Variants in STAT3 observed in about 807,000 individuals in gnomAD.
STAT3 encodes DNA-binding protein APRF.
Under a neutral mutation model 114.3 loss-of-function variants are expected in STAT3, and 7 were observed. That is an observed-to-expected ratio of 0.06 (90% CI 0.03 to 0.11). STAT3 has a LOEUF of 0.11. Among genes scored for constraint, STAT3 ranks in the 10% least tolerant of loss-of-function variants. The pLI, the probability that STAT3 is intolerant of heterozygous loss-of-function variation, is 1.00. For missense variants in STAT3, 364 were observed against 960.9 expected, an observed-to-expected ratio of 0.38 and a Z score of 8.21; for synonymous variants, 331 against 354.5, an observed-to-expected ratio of 0.93 and a Z score of 0.74.
At chr17:42,378,013 T>G in intron 1 of STAT3, among the ~76,000 whole-genome samples, 1 of 129,698 alleles carries the variant, frequency 7.7e-6, no homozygotes, top group Non-Finnish European at 1.6e-5. Flanking sequence ...TGAGATGGAG[T>G]CTTGCTCCAT....
chr17:42,355,042 G>A (rs1422696688), intron 1 of STAT3, among the ~76,000 whole-genome samples: 1 of 152,136 alleles, frequency 6.6e-6, no homozygotes, highest in Non-Finnish European at 1.5e-5. Flanking sequence ...GCAGTCACAG[G>A]AGATGACTAG....
chr17:42,370,607 A>C (rs979221975), intron 1 of STAT3, among the ~76,000 whole-genome samples: 3 of 150,330 alleles, frequency 2.0e-5, no homozygotes, highest in Non-Finnish European at 1.5e-5. Context: ...TTTGCTTCTG[A>C]AGATTTTCCT....
At position 42,388,434 on chromosome 17, in the gene STAT3, G is replaced by T; in HGVS notation, c.-179C>A. The T allele has an allele frequency of 8.1e-7, 1 of 1,231,822 alleles. No individual in the cohort carries two copies. Among genetic ancestry groups the T allele is most frequent in the Non-Finnish European group, 1.0e-6 (1 of 988,042 alleles). 76.3% of individuals were successfully genotyped at this position (1,231,822 alleles called of 1,614,324 possible). ...GGATCCGGTTGGGGCTTGTTCCCTC[G>T]GCTGCGACGTCGGAACCCCCGGCTC... On this transcript the variant is annotated 5_prime_UTR_variant, in exon 1 of 24. Transcript: ENST00000264657.
chr17:42,377,686 G>C (rs898655772), intron 1 of STAT3, among the ~76,000 whole-genome samples: 3 of 152,014 alleles, frequency 2.0e-5, no homozygotes, highest in Non-Finnish European at 4.4e-5. Context: ...CTAAAATATT[G>C]GTATTACAAT....
chr17:42,362,528 G>A (rs944168967), intron 1 of STAT3, among the ~76,000 whole-genome samples: 5 of 152,122 alleles, frequency 3.3e-5, no homozygotes, highest in Non-Finnish European at 7.4e-5. Flanking sequence ...CTGTTCTTAG[G>A]CTAAAAAACA....
Position 42,348,504 on chromosome 17 carries a change from T to A in STAT3, c.13A>T (p.Asn5Tyr), listed in dbSNP as rs1386600261. Reference sequence around the variant, plus strand: ...CGTGTGTCAAGCTGCTGTAGCTGATTCCATTGGGCCATCCTGCTAAAATCA... The same window carrying A: ...CGTGTGTCAAGCTGCTGTAGCTGATACCATTGGGCCATCCTGCTAAAATCA... MAQW[N>Y]QLQQLDTRYL... Residue 5 changes from asparagine to tyrosine, a missense_variant, in exon 2 of 24, where the codon AAT becomes TAT. Physicochemically the swap from Asn to Tyr is moderately radical, Grantham distance 143. This residue lies in a region of STAT3 where 294 missense variants were observed against 745.1 expected (regional missense o/e 0.39). Coordinates refer to ENST00000264657, the MANE Select transcript of STAT3 (RefSeq NM_139276.3). The A allele has an allele frequency of 6.2e-7, 1 of 1,613,624 alleles. No homozygotes were observed. The highest frequency in any genetic ancestry group is 1.3e-5 in the African/African-American group (1 of 74,882).
chr17:42,364,866 G>A (rs2083693895), intron 1 of STAT3, among the ~76,000 whole-genome samples: 1 of 152,194 alleles, frequency 6.6e-6, no homozygotes, highest in Non-Finnish European at 1.5e-5. Flanking sequence ...AGAGAAGGAA[G>A]ATTCTTTTCT....
chr17:42,348,538 A>G lies in STAT3; in HGVS notation c.-22T>C. ...CCATCCTGCTAAAATCAGGGGTCCC[A>G]ACTGTAAACCAAAGTGTGCATATGT... On this transcript the variant is annotated splice_region_variant and 5_prime_UTR_variant, in exon 2 of 24. Transcript: ENST00000264657. The G allele has an allele frequency of 6.2e-7, 1 of 1,612,844 alleles. No individual in the cohort carries two copies. Among genetic ancestry groups the G allele is most frequent in the African/African-American group, 1.3e-5 (1 of 75,000 alleles).
chr17:42,327,866 T>A (rs144160566), intron 14 of STAT3, among the ~76,000 whole-genome samples: 2 of 152,136 alleles, frequency 1.3e-5, no homozygotes, highest in East Asian at 3.9e-4. Context: ...ACCAATATGG[T>A]GAAACCCTGT....
At chr17:42,366,227 C>G (rs1446518504) in intron 1 of STAT3, among the ~76,000 whole-genome samples, 1 of 152,150 alleles carries the variant, frequency 6.6e-6, no homozygotes, top group Admixed American at 6.6e-5. Context: ...CAGTCTCCCC[C>G]ATTCTAGCAA....
At chr17:42,356,556 T>C (rs922496101) in intron 1 of STAT3, among the ~76,000 whole-genome samples, 14 of 151,060 alleles carry the variant, frequency 9.3e-5, no homozygotes, top group African/African-American at 3.4e-4. Flanking sequence ...TTTTTTTACA[T>C]TGGAGTCATA....
intron 23 of STAT3, chr17:42,316,043 CT>C: frequency 4.2e-6 from 6 of 1,415,170 alleles, no homozygotes; most frequent in Non-Finnish European, 5.5e-6. Flanking sequence ...TACAGAAGCT[CT>C]AAGGCTGTCC....
intron 1 of STAT3, among the ~76,000 whole-genome samples, chr17:42,379,536 T>C (rs2084659686): frequency 2.0e-5 from 3 of 152,316 alleles, no homozygotes; most frequent in South Asian, 2.1e-4. Flanking sequence ...CCCAGCTTCA[T>C]ACCTGGCCAC....
At chr17:42,369,538 A>C (rs2083990458) in intron 1 of STAT3, among the ~76,000 whole-genome samples, 1 of 152,178 alleles carries the variant, frequency 6.6e-6, no homozygotes. Flanking sequence ...TTAAACAGCA[A>C]ATCTATTACT....
At chr17:42,358,088 T>C (rs1412233551) in intron 1 of STAT3, among the ~76,000 whole-genome samples, 1 of 152,150 alleles carries the variant, frequency 6.6e-6, no homozygotes, top group Non-Finnish European at 1.5e-5. Context: ...GAGTTATAGT[T>C]CCCTACTAAT....
rs985915188 is a variant in STAT3 at position 42,315,627 on chromosome 17, A to C, written c.*118T>G. Reference sequence around the variant, plus strand: ...GATAGCAGAAGTAGGAGATTAAAAAAAATCTGGAACCACAAAGTTAGTAGT... The same window carrying C: ...GATAGCAGAAGTAGGAGATTAAAAACAATCTGGAACCACAAAGTTAGTAGT... On this transcript the variant is annotated 3_prime_UTR_variant, in exon 24 of 24. Coordinates refer to ENST00000264657, the MANE Select transcript of STAT3 (RefSeq NM_139276.3). 20 of 1,093,172 alleles carry C rather than the reference A, an allele frequency of 1.8e-5. No individual in the cohort carries two copies. In the Admixed American group the frequency reaches 3.5e-4, roughly 19 times the overall value. 67.7% of individuals were successfully genotyped at this position (1,093,172 alleles called of 1,614,324 possible). A position where few individuals can be genotyped will look rare whatever the true frequency, so the allele number is the denominator to read the frequency against.
At chr17:42,352,305 C>T (rs930486410) in intron 1 of STAT3, among the ~76,000 whole-genome samples, 1 of 152,040 alleles carries the variant, frequency 6.6e-6, no homozygotes, top group Non-Finnish European at 1.5e-5. Flanking sequence ...CACCACTGCA[C>T]TCCAGCCTGG....
chr17:42,347,559 T>C (rs1320759431), intron 2 of STAT3, among the ~76,000 whole-genome samples: 6 of 152,212 alleles, frequency 3.9e-5, no homozygotes, highest in Admixed American at 3.3e-4. Flanking sequence ...TGGAATCTAC[T>C]TCCCTTATCC....
At chr17:42,319,568 A>AG (rs1208819825) in intron 21 of STAT3, among the ~76,000 whole-genome samples, 38 of 141,420 alleles carry the variant, frequency 2.7e-4, no homozygotes, top group African/African-American at 9.0e-4. Flanking sequence ...AAAAAAAAAA[A>AG]GCTGAGAAAA....
Sources: allele counts gnomAD v4.1 joint callset (sites outside exome capture counted in the v4.1 genomes callset), GRCh38; gene constraint gnomAD v4.1.1; regional missense constraint gnomAD v4.1.1; transcripts MANE v1.5; gene names NCBI Gene and HGNC (gene_info 2026-07-23, HGNC 2026-07-21).